The following SUPT7L variants were observed in gnomAD, a reference collection of about 807,000 sequenced individuals.
The protein encoded by SUPT7L is STAGA complex 65 subunit gamma.
SUPT7L carries 15 observed loss-of-function variants against 35.7 expected under a neutral mutation model. The observed-to-expected ratio is 0.42, with a 90% CI of 0.28 to 0.65. The LOEUF is 0.65. Among genes scored for constraint, SUPT7L ranks in the 30% least tolerant of loss-of-function variants. SUPT7L has a pLI of 0.23. For missense variants in SUPT7L, 434 were observed against 522.2 expected (o/e 0.83, Z 1.65); for synonymous variants, 168 against 186.2 (o/e 0.90, Z 0.79).
At position 27,652,702 on chromosome 2, in the gene SUPT7L, AG is replaced by A. The variant is rs1212662149; in HGVS notation, c.*782del. 1 of 152,858 alleles carries A rather than the reference AG, an allele frequency of 6.5e-6. No homozygotes were observed. The highest frequency in any genetic ancestry group is 1.5e-5 in the Non-Finnish European group (1 of 68,056). 9.5% of individuals were successfully genotyped at this position (152,858 alleles called of 1,614,324 possible). A position where few individuals can be genotyped will look rare whatever the true frequency, so the allele number is the denominator to read the frequency against. On this transcript the variant is annotated 3_prime_UTR_variant, in exon 6 of 6. Transcript: ENST00000337768. ...AAATGCAACAAATGAAATATGCACA[AG>A]GCTGTCCTTGGACAGTACTTGTTTG...
At chr2:27,644,122 C>T in the SUPT7L span, among the ~76,000 whole-genome samples, 1 of 152,162 alleles carries the variant, frequency 6.6e-6, no homozygotes, top group Non-Finnish European at 1.5e-5. Flanking sequence ...TTGCAGTGAG[C>T]AAAGATCGCG....
At chr2:27,648,235 A>G (rs1457955713), downstream of SUPT7L, among the ~76,000 whole-genome samples, 2 of 152,122 alleles carry the variant, frequency 1.3e-5, no homozygotes, top group African/African-American at 2.4e-5. Flanking sequence ...AAGAATATGT[A>G]AGGGCTGGGT....
the SUPT7L span, among the ~76,000 whole-genome samples, chr2:27,644,915 G>A: frequency 6.6e-6 from 1 of 151,910 alleles, no homozygotes; most frequent in Non-Finnish European, 1.5e-5. Flanking sequence ...TCTAAATGTA[G>A]TAAAGTTCCA....
downstream of SUPT7L, among the ~76,000 whole-genome samples, chr2:27,646,115 C>G (rs570282634): frequency 6.6e-6 from 1 of 152,152 alleles, no homozygotes; most frequent in Non-Finnish European, 1.5e-5. Context: ...GATCTCGGCT[C>G]ACTGCAACCT....
chr2:27,657,640 C>T lies in SUPT7L; in HGVS notation c.449G>A (p.Ser150Asn). The T allele has an allele frequency of 6.2e-7, 1 of 1,613,678 alleles. No homozygotes were observed. Residue 150 changes from serine (S) to asparagine (N), a missense_variant, in exon 4 of 6, where the codon AGC becomes AAC. Physicochemically the swap from Ser to Asn is conservative, Grantham distance 46 (BLOSUM62 1). Coordinates refer to ENST00000337768, the MANE Select transcript of SUPT7L (RefSeq NM_014860.3). This position sits in a 1 kb window ranked among gnomAD's most constrained non-coding sequence, Gnocchi z 5.2. ...GAGGAGCTGCCGACAGGAGTGCCAG[C>T]TGAGTTCAGTCACAGGTTCCCCTTT... is the stretch of plus-strand genomic sequence containing the variant. ...RGKGEPVTELSWHSCRQLLYQ... is the reference protein window; with the variant it reads ...RGKGEPVTELNWHSCRQLLYQ...
Position 27,651,466 on chromosome 2 carries a change from T to C in SUPT7L, c.*2019A>G, listed in dbSNP as rs1214959997. 1.3e-5 allele frequency: 2 copies of C among 152,402 alleles called. No homozygotes were observed. Among genetic ancestry groups the C allele is most frequent in the African/African-American group, 2.4e-5 (1 of 41,464 alleles). 9.4% of individuals were successfully genotyped at this position (152,402 alleles called of 1,614,324 possible). ...CGTCTTGACCATCTGGTGCCTGTTA[T>C]GCAGTTTAACATTCTGCAGCAATAA... is the stretch of plus-strand genomic sequence containing the variant. On this transcript the variant is annotated 3_prime_UTR_variant, in exon 6 of 6. Coordinates refer to ENST00000337768, the MANE Select transcript of SUPT7L (RefSeq NM_014860.3).
downstream of SUPT7L, among the ~76,000 whole-genome samples, chr2:27,647,120 A>G (rs1032421035): frequency 6.6e-6 from 1 of 152,170 alleles, no homozygotes; most frequent in Non-Finnish European, 1.5e-5. Flanking sequence ...TTTCAGGCCC[A>G]CAGGCCCCTT....
In SUPT7L at chr2:27,657,271, GTGT is replaced by G. The variant is rs1432310739; in HGVS notation, c.744+71_744+73del. ...CTCTGTGCTCTGCACTCTAGACCAA[GTGT>G]TGTGGGATCCTGCTGAACACTCCGA... is the stretch of plus-strand genomic sequence containing the variant. On this transcript the variant is annotated intron_variant, in intron 4 of 5. Coordinates refer to ENST00000337768, the MANE Select transcript of SUPT7L (RefSeq NM_014860.3). The surrounding 1 kb of genome is among the most constrained non-coding windows in gnomAD (Gnocchi z 5.2). The G allele has an allele frequency of 4.7e-6, 7 of 1,501,984 alleles. No individual in the cohort carries two copies. In the African/African-American group the frequency reaches 9.6e-5, roughly 21 times the overall value. 93.0% of individuals were successfully genotyped at this position (1,501,984 alleles called of 1,614,324 possible).
downstream of SUPT7L, among the ~76,000 whole-genome samples, chr2:27,647,249 T>A (rs926955662): frequency 1.3e-5 from 2 of 152,216 alleles, no homozygotes; most frequent in African/African-American, 4.8e-5. Context: ...CAGTAGTGAC[T>A]TGATTAGACT....
intron 5 of SUPT7L, among the ~76,000 whole-genome samples, chr2:27,654,667 T>C (rs10167120): frequency 0.057 from 8,704 of 152,068 alleles, 690 homozygotes; most frequent in African/African-American, 0.18. Context: ...CCTGGGTTCA[T>C]GCCATTCTCC....
At chr2:27,643,207 T>C in the SUPT7L span, among the ~76,000 whole-genome samples, 1 of 151,116 alleles carries the variant, frequency 6.6e-6, no homozygotes, top group Middle Eastern at 3.2e-3. The surrounding 1 kb of genome is among the most constrained non-coding windows in gnomAD (Gnocchi z 4.0). Context: ...ATTTTTTTTT[T>C]TTTACAGTTT....
intron 5 of SUPT7L, 64 bp from the exon 6 acceptor site, chr2:27,653,811 A>G: frequency 1.3e-6 from 2 of 1,592,646 alleles, no homozygotes; most frequent in South Asian, 2.2e-5. Flanking sequence ...TAGAACAAAG[A>G]GTAAATATAT....
chr2:27,660,930 G>C (rs1403805026), intron 3 of SUPT7L, 54 bp downstream of exon 3: 8 of 1,556,416 alleles, frequency 5.1e-6, no homozygotes, highest in South Asian at 2.4e-5. Flanking sequence ...GGCTTAACAG[G>C]GTTGTTGGGA....
chr2:27,658,269 G>A (rs923286888), intron 3 of SUPT7L, among the ~76,000 whole-genome samples: 4 of 152,006 alleles, frequency 2.6e-5, no homozygotes, highest in African/African-American at 9.7e-5. Flanking sequence ...CAATGGGTAG[G>A]GTCTGTATTA....
Position 27,661,091 on chromosome 2 carries a change from C to T in SUPT7L, c.312G>A (p.Ser104=), listed in dbSNP as rs6756254. Residue 104 remains serine (S), a synonymous_variant, in exon 3 of 6, where the codon TCG becomes TCA. Transcript: ENST00000337768. The part of the protein sequence containing the change: ...VKTEESEPLP[S]CPGSPPLPDD... ...CAGGGAGAGGAGGTGACCCAGGGCA[C>T]GAGGGAAGAGGTTCACTCTCTTCAG... 0.016 allele frequency: 25,302 copies of T among 1,614,006 alleles called. 1,325 individuals are homozygous for T. The African/African-American group carries it at 0.18, about 11-fold the overall frequency.
rs1674954667 is a variant in SUPT7L at position 27,659,525 on chromosome 2, CTT to C, written c.419+1457_419+1458del. Among the ~76,000 whole-genome samples the C allele has an allele frequency of 2.6e-5, 4 of 152,212 alleles. No individual in the cohort carries two copies. In the South Asian group the frequency reaches 6.2e-4, roughly 24 times the overall value. ...TAACAACCAGGTACAATGCATGAAT[CTT>C]TGTTAGATCCTGGATTCGAGGGAAA... On this transcript the variant is annotated intron_variant, in intron 3 of 5. Transcript: ENST00000337768.
chr2:27,661,446 A>C, intron 2 of SUPT7L, 58 bp from the exon 3 acceptor site: 4 of 1,603,096 alleles, frequency 2.5e-6, no homozygotes, highest in Non-Finnish European at 3.4e-6. Context: ...ACAATAACCT[A>C]AAAGTAATGT....
rs932310524 is a variant in SUPT7L, at chr2:27,657,923, A to G, written c.420-254T>C. On this transcript the variant is annotated intron_variant, in intron 3 of 5. Coordinates refer to ENST00000337768, the MANE Select transcript of SUPT7L (RefSeq NM_014860.3). This position sits in a 1 kb window ranked among gnomAD's most constrained non-coding sequence, Gnocchi z 5.2. ...TGTCTATAATACACAATCCAAAAGG[A>G]TATCTAGTGAAAAGAAAGTTTCCTT... 4.6e-5 allele frequency among the ~76,000 whole-genome samples: 7 copies of G among 152,232 alleles called. No individual in the cohort carries two copies. The highest frequency in any genetic ancestry group is 1.7e-4 in the African/African-American group (7 of 41,452).
At chr2:27,660,869 C>G (rs1572981246) in intron 3 of SUPT7L, 115 bp downstream of exon 3, 1 of 1,369,768 alleles carries the variant, frequency 7.3e-7, no homozygotes, top group East Asian at 2.5e-5. Flanking sequence ...TTGGCCAAGT[C>G]AATTACTCTT....
Sources: gnomAD v4.1 joint callset for allele counts (sites outside exome capture counted in the v4.1 genomes callset) on GRCh38, gnomAD v4.1.1 for gene constraint, Gnocchi (gnomAD v3.1) non-coding constraint, MANE v1.5 for transcripts, NCBI Gene and HGNC (gene_info 2026-07-23, HGNC 2026-07-21) for gene names.